The following RBFOX1 variants were observed in gnomAD, a reference collection of about 807,000 sequenced individuals.
RBFOX1 encodes the protein RNA binding fox-1 homolog 1.
RBFOX1 carries 8 observed loss-of-function variants against 57.7 expected under a neutral mutation model. The ratio of observed to expected loss-of-function variants is 0.14; its 90% confidence interval spans 0.08 to 0.25. RBFOX1 has a LOEUF of 0.25. RBFOX1 is among the 10% of genes least tolerant of loss of function. The pLI, the probability that RBFOX1 is intolerant of heterozygous loss-of-function variation, is 1.00. For synonymous variants in RBFOX1, 326 were observed against 222.4 expected (o/e 1.47, Z -4.15); for missense variants, 611 against 548.5 (o/e 1.11, Z -1.14).
At chr16:6,918,629 T>C (rs1050034880) in intron 3 of RBFOX1, among the ~76,000 whole-genome samples, 2 of 152,146 alleles carry the variant, frequency 1.3e-5, no homozygotes, top group Non-Finnish European at 2.9e-5. Context: ...CATACCCTTC[T>C]CAGTGAAAAT....
intron 9 of RBFOX1, among the ~76,000 whole-genome samples, chr16:7,599,421 A>AT (rs1398168589): frequency 6.6e-6 from 1 of 151,642 alleles, no homozygotes; most frequent in African/African-American, 2.4e-5. Context: ...TTATTGATCA[A>AT]TTTTATGACC....
chr16:7,009,466 A>T (rs535222335), intron 3 of RBFOX1, among the ~76,000 whole-genome samples: 35 of 152,134 alleles, frequency 2.3e-4, no homozygotes, highest in African/African-American at 8.4e-4. Flanking sequence ...CCATAGGAAT[A>T]TATTGACTGC....
intron 1 of RBFOX1, among the ~76,000 whole-genome samples, chr16:6,134,922 G>T (rs918218381): frequency 5.9e-5 from 9 of 151,970 alleles, no homozygotes; most frequent in Non-Finnish European, 1.2e-4. Flanking sequence ...GTATGCATGT[G>T]CCATGTTGGT....
intron 4 of RBFOX1, among the ~76,000 whole-genome samples, chr16:7,216,193 T>G (rs1388544489): frequency 2.0e-5 from 3 of 152,204 alleles, no homozygotes; most frequent in African/African-American, 7.2e-5. Context: ...TGGTAGATAA[T>G]TGGGTTGTTT....
intron 2 of RBFOX1, among the ~76,000 whole-genome samples, chr16:6,459,852 C>T (rs969071523): frequency 1.3e-5 from 2 of 151,424 alleles, no homozygotes; most frequent in East Asian, 1.9e-4. Flanking sequence ...GATGTGGTGG[C>T]GAATGCCTGT....
intron 3 of RBFOX1, among the ~76,000 whole-genome samples, chr16:6,948,617 A>C (rs1210545155): frequency 6.6e-6 from 1 of 151,770 alleles, no homozygotes. Context: ...GCTGACTTCA[A>C]ATGATCTGCT....
chr16:5,398,043 G>T, intron 1 of RBFOX1, among the ~76,000 whole-genome samples: 1 of 150,880 alleles, frequency 6.6e-6, no homozygotes, highest in East Asian at 1.9e-4. Context: ...ATTGTGGTTG[G>T]TGCTGCAAAG....
chr16:5,746,052 T>C (rs2052967874), intron 3 of RBFOX1, among the ~76,000 whole-genome samples: 1 of 152,218 alleles, frequency 6.6e-6, no homozygotes, highest in African/African-American at 2.4e-5. Flanking sequence ...GGTTTTCTTG[T>C]AGGGTTTCTA....
intron 3 of RBFOX1, among the ~76,000 whole-genome samples, chr16:5,720,278 T>G (rs557945741): frequency 1.3e-5 from 2 of 152,278 alleles, no homozygotes; most frequent in South Asian, 4.1e-4. Context: ...TTATTTATAT[T>G]TTGATATTGA....
At chr16:5,277,950 C>T (rs944571482) in intron 1 of RBFOX1, among the ~76,000 whole-genome samples, 1 of 152,094 alleles carries the variant, frequency 6.6e-6, no homozygotes, top group East Asian at 1.9e-4. Context: ...AATAGTGCTG[C>T]AGTAAATATG....
intron 3 of RBFOX1, among the ~76,000 whole-genome samples, chr16:5,620,074 A>G (rs1423331007): frequency 6.6e-6 from 1 of 151,940 alleles, no homozygotes; most frequent in Admixed American, 6.6e-5. Context: ...CTACTGTTTC[A>G]TTGGCCTCGC....
At chr16:6,253,592 T>C (rs913017013) in intron 1 of RBFOX1, among the ~76,000 whole-genome samples, 3 of 134,948 alleles carry the variant, frequency 2.2e-5, no homozygotes, top group Non-Finnish European at 3.3e-5. Context: ...TGGTTGATGA[T>C]AGATAGATAG....
At chr16:6,342,249 G>A (rs1371968911) in intron 2 of RBFOX1, among the ~76,000 whole-genome samples, 1 of 152,176 alleles carries the variant, frequency 6.6e-6, no homozygotes, top group Non-Finnish European at 1.5e-5. Context: ...CAGAGCTCCT[G>A]GGGAGAGATG....
intron 2 of RBFOX1, among the ~76,000 whole-genome samples, chr16:6,625,788 A>G (rs769214263): frequency 9.2e-5 from 14 of 152,222 alleles, no homozygotes; most frequent in East Asian, 7.7e-4. Flanking sequence ...TAGAGCCTCT[A>G]TAGAAGGAGA....
At chr16:6,612,632 A>G (rs2098078609) in intron 2 of RBFOX1, among the ~76,000 whole-genome samples, 1 of 152,008 alleles carries the variant, frequency 6.6e-6, no homozygotes. Context: ...CAGGTGGATG[A>G]CTTGAGGTCA....
At chr16:5,914,606 A>AT (rs1485553649) in intron 4 of RBFOX1, among the ~76,000 whole-genome samples, 4 of 152,174 alleles carry the variant, frequency 2.6e-5, no homozygotes, top group Non-Finnish European at 5.9e-5. Flanking sequence ...AAGAAAAAAA[A>AT]GGGAGAGAGG....
intron 1 of RBFOX1, among the ~76,000 whole-genome samples, chr16:5,246,769 C>T (rs778900314): frequency 6.6e-6 from 1 of 151,852 alleles, no homozygotes; most frequent in Non-Finnish European, 1.5e-5. Context: ...CTCCCAAGCT[C>T]AATCAATCCT....
At chr16:5,982,740 C>G (rs978891650) in intron 4 of RBFOX1, among the ~76,000 whole-genome samples, 1 of 152,214 alleles carries the variant, frequency 6.6e-6, no homozygotes. Flanking sequence ...TTTCTCCTTA[C>G]TGTGCTGTGT....
At chr16:6,570,105 G>T (rs1032008337) in intron 2 of RBFOX1, among the ~76,000 whole-genome samples, 1 of 152,140 alleles carries the variant, frequency 6.6e-6, no homozygotes, top group Non-Finnish European at 1.5e-5. Context: ...TTAAATAATG[G>T]ACTACAGAGC....
Sources: allele counts gnomAD v4.1 joint callset (sites outside exome capture counted in the v4.1 genomes callset), GRCh38; gene constraint gnomAD v4.1.1; transcripts MANE v1.5; gene names NCBI Gene and HGNC (gene_info 2026-07-23, HGNC 2026-07-21).